PTPRN2: variants seen among roughly 807,000 people sequenced by gnomAD.
PTPRN2 encodes receptor-type tyrosine-protein phosphatase N2.
Under a neutral mutation model 118.8 loss-of-function variants are expected in PTPRN2, and 74 were observed. That is an observed-to-expected ratio of 0.62 (90% CI 0.52 to 0.76). The LOEUF (loss-of-function observed/expected upper bound fraction) is 0.76, where lower values mean the gene tolerates loss of function less well. PTPRN2 is among the 30% of genes least tolerant of loss of function. The pLI is 0.00. For synonymous variants in PTPRN2, 641 were observed against 608.0 expected (o/e 1.05, Z -0.80); for missense variants, 1,481 against 1,394.4 (o/e 1.06, Z -0.99).
chr7:158,252,148 G>T (rs11980139), intron 3 of PTPRN2, among the ~76,000 whole-genome samples: 4 of 152,094 alleles, frequency 2.6e-5, no homozygotes, highest in South Asian at 2.1e-4. Flanking sequence ...TCTGGTTGCC[G>T]CACAGCCTCA....
Position 158,037,717 on chromosome 7 carries a change from C to T in PTPRN2, c.1723+43581G>A, listed in dbSNP as rs568445328. On this transcript the variant is annotated intron_variant, in intron 11 of 22. Coordinates refer to ENST00000389418, the MANE Select transcript of PTPRN2 (RefSeq NM_002847.5). ...GTCCAAACTAAACTATACATTAAAT[C>T]GAAATTCAACAAAAAACCCAATCAG... Among the ~76,000 whole-genome samples, 14 of 152,254 alleles carry T rather than the reference C, an allele frequency of 9.2e-5. No homozygotes were observed. The South Asian group carries it at 2.1e-3, about 23-fold the overall frequency.
At chr7:158,240,146 G>A (rs1254058548) in intron 3 of PTPRN2, among the ~76,000 whole-genome samples, 1 of 152,144 alleles carries the variant, frequency 6.6e-6, no homozygotes, top group East Asian at 1.9e-4. Context: ...TGTTTCTTAG[G>A]ATGGCCATTT....
intron 2 of PTPRN2, among the ~76,000 whole-genome samples, chr7:158,466,647 T>A (rs1819408747): frequency 6.6e-6 from 1 of 152,234 alleles, no homozygotes; most frequent in African/African-American, 2.4e-5. Flanking sequence ...CAGACACCTC[T>A]TCTGCCCATT....
chr7:157,731,969 C>T (rs867384567), intron 12 of PTPRN2, among the ~76,000 whole-genome samples: 9 of 52,288 alleles, frequency 1.7e-4, no homozygotes, highest in African/African-American at 3.7e-4. Context: ...GTTACCCTTT[C>T]CCGTCCCATG....
intron 2 of PTPRN2, among the ~76,000 whole-genome samples, chr7:158,324,571 C>T (rs1240137008): frequency 6.6e-6 from 1 of 151,752 alleles, no homozygotes; most frequent in Non-Finnish European, 1.5e-5. Context: ...CATGCGCCTC[C>T]ACCCCATCCC....
intron 2 of PTPRN2, among the ~76,000 whole-genome samples, chr7:158,317,928 G>A (rs1420243740): frequency 2.0e-5 from 3 of 152,206 alleles, no homozygotes; most frequent in Admixed American, 6.5e-5. Flanking sequence ...TATTGCAAGC[G>A]TCCTGCGGGT....
chr7:158,112,380 G>A (rs1283995987), intron 9 of PTPRN2, among the ~76,000 whole-genome samples: 1 of 152,202 alleles, frequency 6.6e-6, no homozygotes, highest in East Asian at 1.9e-4. Context: ...AAGGCAAGGG[G>A]GCCGCGGTGC....
In PTPRN2 at chr7:158,053,689, AAGATGCAGAGACCCCAG is replaced by A. The variant is rs1373335240; in HGVS notation, c.1723+27592_1723+27608del. Among the ~76,000 whole-genome samples, 1,265 of 149,502 alleles carry A rather than the reference AAGATGCAGAGACCCCAG, an allele frequency of 8.5e-3. 18 individuals are homozygous for A. Among genetic ancestry groups the A allele is most frequent in the African/African-American group, 0.03 (1,157 of 38,998 alleles). Reference sequence around the variant, plus strand: ...ATAAGCTGTGGGACAGCCGCTGCGGAAGATGCAGAGACCCCAGAGATGCAGAGACCCCAGAGATGCAG... The same window carrying A: ...ATAAGCTGTGGGACAGCCGCTGCGGAAGATGCAGAGACCCCAGAGATGCAG... On this transcript the variant is annotated intron_variant, in intron 11 of 22. Transcript: ENST00000389418.
chr7:157,673,588 C>T (rs188431273), intron 13 of PTPRN2, among the ~76,000 whole-genome samples: 2 of 152,050 alleles, frequency 1.3e-5, no homozygotes, highest in Admixed American at 1.3e-4. Flanking sequence ...CCTTGTGCAT[C>T]CTGGCCCCTC....
chr7:158,311,874 C>T (rs1801777154), intron 3 of PTPRN2, among the ~76,000 whole-genome samples: 1 of 148,326 alleles, frequency 6.7e-6, no homozygotes, highest in Non-Finnish European at 1.5e-5. Flanking sequence ...TGTGTAGACA[C>T]CCACACACCT....
chr7:157,663,516 G>A (rs1324242988), intron 13 of PTPRN2, among the ~76,000 whole-genome samples: 2 of 152,230 alleles, frequency 1.3e-5, no homozygotes, highest in Non-Finnish European at 2.9e-5. Context: ...CCAAGGACGG[G>A]GGCTGGGACG....
chr7:158,453,798 C>A (rs1818256926), intron 2 of PTPRN2, among the ~76,000 whole-genome samples: 1 of 152,230 alleles, frequency 6.6e-6, no homozygotes, highest in Non-Finnish European at 1.5e-5. Context: ...GTGCAGGGAA[C>A]CGACGGAGAC....
chr7:157,899,707 C>G (rs1012751477), intron 11 of PTPRN2, among the ~76,000 whole-genome samples: 3 of 152,192 alleles, frequency 2.0e-5, no homozygotes, highest in African/African-American at 7.2e-5. Context: ...TTGTTACAGC[C>G]TGCCCTCCCT....
intron 1 of PTPRN2, among the ~76,000 whole-genome samples, chr7:158,519,282 TCTC>T (rs1258199228): frequency 5.9e-5 from 9 of 152,192 alleles, no homozygotes; most frequent in Non-Finnish European, 1.2e-4. Flanking sequence ...AGCCAGCACA[TCTC>T]CTCATTTTAT....
intron 9 of PTPRN2, among the ~76,000 whole-genome samples, chr7:158,129,133 CACACACT>C (rs1313862499): frequency 6.7e-6 from 1 of 150,210 alleles, no homozygotes; most frequent in East Asian, 2.0e-4. Flanking sequence ...CACAGCACAC[CACACACT>C]ACACACATAC....
At chr7:157,949,981 G>T (rs895917526) in intron 11 of PTPRN2, among the ~76,000 whole-genome samples, 1 of 152,158 alleles carries the variant, frequency 6.6e-6, no homozygotes, top group Non-Finnish European at 1.5e-5. Context: ...AAGTTATAAA[G>T]GTTGTACTTG....
intron 11 of PTPRN2, among the ~76,000 whole-genome samples, chr7:157,961,247 T>G (rs911449944): frequency 6.6e-6 from 1 of 151,768 alleles, no homozygotes; most frequent in African/African-American, 2.4e-5. Flanking sequence ...AGAATTATTA[T>G]AAGGTCAGGC....
At position 158,333,255 on chromosome 7, in the gene PTPRN2, G is replaced by T. The variant is rs1470093932; in HGVS notation, c.164-16323C>A. On this transcript the variant is annotated intron_variant, in intron 2 of 22. Transcript: ENST00000389418. ...CCACACTCTCCCCAAAAGAGCTGTC[G>T]CCCGCAGGAGTCACTCACACCCACA... Among the ~76,000 whole-genome samples, 3 of 106,244 alleles carry T rather than the reference G, an allele frequency of 2.8e-5. 1 individual carries two copies. The highest frequency in any genetic ancestry group is 2.9e-4 in the East Asian group (1 of 3,452). The allele number at this position is 106,244 out of a possible 152,430, so 69.7% of individuals were successfully genotyped here.
intron 12 of PTPRN2, among the ~76,000 whole-genome samples, chr7:157,891,035 T>G (rs887360316): frequency 8.5e-5 from 13 of 152,114 alleles, no homozygotes; most frequent in African/African-American, 2.9e-4. Flanking sequence ...TCTTCACCTG[T>G]GGGCAAAGGC....
Sources: allele counts gnomAD v4.1 joint callset (sites outside exome capture counted in the v4.1 genomes callset), GRCh38; gene constraint gnomAD v4.1.1; transcripts MANE v1.5; gene names NCBI Gene and HGNC (gene_info 2026-07-23, HGNC 2026-07-21).